The following EXOC6B variants were observed in gnomAD, a reference collection of about 807,000 sequenced individuals.
The protein encoded by EXOC6B is SEC15 homolog B.
A neutral mutation model predicts 113.5 loss-of-function variants in EXOC6B; 54 were observed. The observed-to-expected ratio is 0.48, with a 90% CI of 0.38 to 0.60. The LOEUF (loss-of-function observed/expected upper bound fraction) is 0.60. Among genes scored for constraint, EXOC6B ranks in the 20% least tolerant of loss-of-function variants. The probability of loss-of-function intolerance (pLI) is 0.00; values close to 1 mark genes in which losing one functional copy is unlikely to be tolerated. For synonymous variants in EXOC6B, 357 were observed against 339.0 expected (o/e 1.05, Z -0.58); for missense variants, 797 against 977.5 (o/e 0.82, Z 2.46).
chr2:72,508,184 A>AAAC (rs923877882), intron 11 of EXOC6B, among the ~76,000 whole-genome samples: 7 of 89,082 alleles, frequency 7.9e-5, no homozygotes, highest in African/African-American at 4.7e-4. Context: ...AAAAAAAAAA[A>AAAC]ACACCTAAAA....
chr2:72,266,506 T>C (rs1684093913), intron 20 of EXOC6B, among the ~76,000 whole-genome samples: 2 of 152,114 alleles, frequency 1.3e-5, no homozygotes, highest in East Asian at 3.9e-4. Context: ...ATTTGTTAAA[T>C]AGGGAATCCT....
chr2:72,670,553 C>T (rs1387257817), intron 6 of EXOC6B, among the ~76,000 whole-genome samples: 3 of 152,114 alleles, frequency 2.0e-5, no homozygotes, highest in Non-Finnish European at 4.4e-5. Flanking sequence ...TTTGATCATG[C>T]CCCTCTGCTA....
chr2:72,562,628 C>G (rs1245556235), intron 7 of EXOC6B, among the ~76,000 whole-genome samples: 1 of 152,102 alleles, frequency 6.6e-6, no homozygotes, highest in Non-Finnish European at 1.5e-5. Context: ...AATAACACAG[C>G]CCTTGCATTT....
chr2:72,642,065 C>T (rs1673288683), intron 6 of EXOC6B, among the ~76,000 whole-genome samples: 1 of 152,120 alleles, frequency 6.6e-6, no homozygotes, highest in Admixed American at 6.5e-5. Flanking sequence ...GACATCCACA[C>T]CAAAACCCCA....
intron 6 of EXOC6B, among the ~76,000 whole-genome samples, chr2:72,712,438 GTC>G (rs1169393577): frequency 6.6e-6 from 1 of 152,126 alleles, no homozygotes; most frequent in Non-Finnish European, 1.5e-5. Flanking sequence ...CATTGCTGTG[GTC>G]TCTCTCACCT....
rs1227796792 is a variant in EXOC6B, at chr2:72,731,216, C to G, written c.357G>C (p.Gln119His). 1 of 1,613,342 alleles carries G rather than the reference C, an allele frequency of 6.2e-7. No homozygotes were observed. ...ELVIAMEELK[Q>H]CRLQQRNISA... ...AAATATTTCTCTGTTGTAGTCGACA[C>G]TGCTTCAGCTCTTCCATTGCTATTA... The change falls in exon 4 of 22, where the codon CAG becomes CAC. Residue 119 changes from glutamine (Q) to histidine (H), a missense_variant. By Grantham distance (24) the Gln-to-His change is conservative (BLOSUM62 0). Transcript: ENST00000272427.
At chr2:72,380,741 A>G (rs1344602754) in intron 18 of EXOC6B, among the ~76,000 whole-genome samples, 1 of 152,188 alleles carries the variant, frequency 6.6e-6, no homozygotes, top group African/African-American at 2.4e-5. Flanking sequence ...GAAAATACTG[A>G]GATTTATGAA....
intron 8 of EXOC6B, among the ~76,000 whole-genome samples, chr2:72,541,498 A>T (rs1702599154): frequency 6.6e-6 from 1 of 152,096 alleles, no homozygotes; most frequent in South Asian, 2.1e-4. Context: ...GTTATACAAA[A>T]GCCCTTCTCC....
intron 7 of EXOC6B, among the ~76,000 whole-genome samples, chr2:72,574,529 A>G (rs746537081): frequency 7.2e-5 from 11 of 152,236 alleles, no homozygotes; most frequent in Non-Finnish European, 1.2e-4. Context: ...TAGTAAGGGT[A>G]TAACAGGAGA....
intron 20 of EXOC6B, among the ~76,000 whole-genome samples, chr2:72,312,355 A>G (rs1687242623): frequency 6.6e-6 from 1 of 151,722 alleles, no homozygotes; most frequent in African/African-American, 2.4e-5. Context: ...AGGTAGAGAC[A>G]TGTGAATTGA....
intron 1 of EXOC6B, among the ~76,000 whole-genome samples, chr2:72,796,507 C>A (rs1684961601): frequency 6.7e-6 from 1 of 149,750 alleles, no homozygotes. Flanking sequence ...TTTACATAAT[C>A]TTTTCCCCCA....
At chr2:72,765,278 C>T (rs1180603139) in intron 1 of EXOC6B, among the ~76,000 whole-genome samples, 3 of 152,036 alleles carry the variant, frequency 2.0e-5, no homozygotes, top group African/African-American at 4.8e-5. Context: ...CAGAGCAACA[C>T]CCTCTCTCAA....
At chr2:72,267,347 G>C (rs1443888665) in intron 20 of EXOC6B, among the ~76,000 whole-genome samples, 1 of 151,830 alleles carries the variant, frequency 6.6e-6, no homozygotes, top group African/African-American at 2.4e-5. Context: ...TTTTCAAAGG[G>C]AATGCTTCCA....
At chr2:72,442,173 C>CA (rs1456851483) in intron 18 of EXOC6B, among the ~76,000 whole-genome samples, 3 of 151,798 alleles carry the variant, frequency 2.0e-5, no homozygotes, top group Non-Finnish European at 4.4e-5. Context: ...TCAATAGGTG[C>CA]AAAAAAGGTT....
At chr2:72,295,229 C>CAAA (rs547104239) in intron 20 of EXOC6B, among the ~76,000 whole-genome samples, 1 of 78,912 alleles carries the variant, frequency 1.3e-5, no homozygotes, top group Non-Finnish European at 3.0e-5. Flanking sequence ...GACTCCATCT[C>CAAA]AAAAAAAAAA....
chr2:72,430,855 A>G (rs663218), intron 18 of EXOC6B, among the ~76,000 whole-genome samples: 54,135 of 152,118 alleles, frequency 0.36, 15,571 homozygotes, highest in African/African-American at 0.8. Context: ...AGCTGCTGAC[A>G]CTGCCAATCC....
intron 6 of EXOC6B, among the ~76,000 whole-genome samples, chr2:72,640,431 GA>G (rs1673144177): frequency 6.6e-6 from 1 of 152,196 alleles, no homozygotes; most frequent in African/African-American, 2.4e-5. Context: ...AACCAACTCA[GA>G]AAACGTATTT....
At chr2:72,805,835 A>G (rs1376140856) in intron 1 of EXOC6B, among the ~76,000 whole-genome samples, 2 of 151,960 alleles carry the variant, frequency 1.3e-5, no homozygotes, top group Non-Finnish European at 2.9e-5. Flanking sequence ...CTCTGCTTCT[A>G]TGAGTTAAAT....
intron 8 of EXOC6B, among the ~76,000 whole-genome samples, chr2:72,542,757 A>T (rs1465814640): frequency 6.6e-6 from 1 of 152,192 alleles, no homozygotes; most frequent in Non-Finnish European, 1.5e-5. Context: ...GGCTGTAGTT[A>T]TTTATGTATC....
Sources: allele counts gnomAD v4.1 joint callset (sites outside exome capture counted in the v4.1 genomes callset), GRCh38; gene constraint gnomAD v4.1.1; transcripts MANE v1.5; gene names NCBI Gene and HGNC (gene_info 2026-07-23, HGNC 2026-07-21).